Variants in CDH12 observed in about 807,000 individuals in gnomAD.
CDH12 encodes cadherin-12.
CDH12 carries 41 observed loss-of-function variants against 74.1 expected under a neutral mutation model. The observed-to-expected ratio is 0.55, with a 90% CI of 0.43 to 0.72. The LOEUF is 0.72. Among genes scored for constraint, CDH12 ranks in the 30% least tolerant of loss-of-function variants. The pLI is 0.00. For synonymous variants in CDH12, 399 were observed against 355.0 expected, an observed-to-expected ratio of 1.12 and a Z score of -1.39; for missense variants, 945 against 977.2, an observed-to-expected ratio of 0.97 and a Z score of 0.44.
chr5:22,738,189 C>G (rs1010443784), intron 1 of CDH12, among the ~76,000 whole-genome samples: 2 of 152,022 alleles, frequency 1.3e-5, no homozygotes, highest in African/African-American at 4.8e-5. Context: ...GAATCTATCT[C>G]CATGACTCTC....
In CDH12 at chr5:22,087,614, C is replaced by T. The variant is rs182907361; in HGVS notation, c.-186-8752G>A. Reference sequence around the variant, plus strand: ...CGCAATCATGCCACTGCACTCCAGCCTGGGTGACAGAGTGAGACTTTGTCT... The same window carrying T: ...CGCAATCATGCCACTGCACTCCAGCTTGGGTGACAGAGTGAGACTTTGTCT... On this transcript the variant is annotated intron_variant, in intron 4 of 14. Transcript: ENST00000382254. 5.0e-3 allele frequency among the ~76,000 whole-genome samples: 754 copies of T among 151,984 alleles called. 5 individuals carry two copies. The highest frequency in any genetic ancestry group is 7.4e-3 in the Non-Finnish European group (504 of 67,994).
intron 4 of CDH12, among the ~76,000 whole-genome samples, chr5:22,106,322 G>A (rs907168971): frequency 2.6e-5 from 4 of 152,014 alleles, no homozygotes; most frequent in African/African-American, 9.7e-5. Flanking sequence ...ATTTTCTAAT[G>A]TTTTTCTCTA....
Position 22,149,752 on chromosome 5 carries a change from G to A in CDH12, c.-187+62746C>T, listed in dbSNP as rs575252627. 1.2e-4 allele frequency among the ~76,000 whole-genome samples: 18 copies of A among 152,046 alleles called. No individual in the cohort carries two copies. The South Asian group carries it at 1.5e-3, about 12-fold the overall frequency. On this transcript the variant is annotated intron_variant, in intron 4 of 14. Coordinates refer to ENST00000382254, the MANE Select transcript of CDH12 (RefSeq NM_004061.5). ...CTCCCAAAGTGTTGGGATTACAGGC[G>A]TGAGCCACCACGTCTGGGTGGATCA...
intron 4 of CDH12, among the ~76,000 whole-genome samples, chr5:22,198,258 G>A (rs2150352392): frequency 6.6e-6 from 1 of 151,898 alleles, no homozygotes; most frequent in African/African-American, 2.4e-5. Context: ...TACTGATAGT[G>A]TTGGCTAAAT....
chr5:21,933,395 C>A (rs1197940789), intron 6 of CDH12, among the ~76,000 whole-genome samples: 2 of 152,118 alleles, frequency 1.3e-5, no homozygotes, highest in Non-Finnish European at 2.9e-5. Context: ...CAGGGCAGAG[C>A]ATCCATGATA....
chr5:22,036,423 A>T (rs1739192903), intron 5 of CDH12, among the ~76,000 whole-genome samples: 1 of 152,184 alleles, frequency 6.6e-6, no homozygotes, highest in Non-Finnish European at 1.5e-5. Context: ...CATTGTCAAA[A>T]CTAGGAAATG....
At chr5:21,947,873 G>T (rs1755650969) in intron 6 of CDH12, among the ~76,000 whole-genome samples, 1 of 152,296 alleles carries the variant, frequency 6.6e-6, no homozygotes, top group Non-Finnish European at 1.5e-5. Flanking sequence ...CTCAGGACTT[G>T]GTGCCCTGTG....
At chr5:21,807,031 A>G (rs1446717704) in intron 9 of CDH12, among the ~76,000 whole-genome samples, 3 of 152,144 alleles carry the variant, frequency 2.0e-5, no homozygotes, top group Non-Finnish European at 4.4e-5. Context: ...TACTGCTCAC[A>G]AATCATGTGA....
intron 9 of CDH12, among the ~76,000 whole-genome samples, chr5:21,809,217 T>C (rs1241430725): frequency 6.6e-6 from 1 of 152,128 alleles, no homozygotes; most frequent in Admixed American, 6.6e-5. Flanking sequence ...GTAATGCCTG[T>C]ATTTTAGCGG....
chr5:21,838,855 C>T (rs1277597722), intron 8 of CDH12, among the ~76,000 whole-genome samples: 1 of 152,186 alleles, frequency 6.6e-6, no homozygotes, highest in Non-Finnish European at 1.5e-5. Flanking sequence ...GTCTCAAGTC[C>T]AACTTCTACA....
At chr5:22,117,188 T>A (rs142557968) in intron 4 of CDH12, among the ~76,000 whole-genome samples, 1 of 151,040 alleles carries the variant, frequency 6.6e-6, no homozygotes, top group Non-Finnish European at 1.5e-5. Context: ...GTTTAGGTGC[T>A]ATGACTCTAT....
At chr5:22,652,234 C>T (rs1739782688) in intron 1 of CDH12, among the ~76,000 whole-genome samples, 1 of 152,060 alleles carries the variant, frequency 6.6e-6, no homozygotes. Flanking sequence ...AAATGATCTC[C>T]TGCACAGCAC....
chr5:22,148,027 A>G (rs1747320082), intron 4 of CDH12, among the ~76,000 whole-genome samples: 1 of 152,262 alleles, frequency 6.6e-6, no homozygotes, highest in South Asian at 2.1e-4. Context: ...TACACAAACC[A>G]TGTTATTTTT....
At chr5:21,914,917 T>C (rs1754020172) in intron 6 of CDH12, among the ~76,000 whole-genome samples, 1 of 152,172 alleles carries the variant, frequency 6.6e-6, no homozygotes, top group Non-Finnish European at 1.5e-5. Context: ...AAAAGTATGA[T>C]ATATTTGAAC....
chr5:22,460,631 G>C (rs1191724939), intron 2 of CDH12, among the ~76,000 whole-genome samples: 1 of 150,990 alleles, frequency 6.6e-6, no homozygotes, highest in Non-Finnish European at 1.5e-5. Flanking sequence ...AAGAGTCTGG[G>C]AAATGCAAAT....
intron 6 of CDH12, among the ~76,000 whole-genome samples, chr5:21,875,552 C>T (rs1010306727): frequency 3.1e-3 from 1 of 324 alleles, no homozygotes; most frequent in African/African-American, 0.011. Context: ...TTGAATATAC[C>T]ATTGCTCTGT....
rs1382565445 is a variant in CDH12 at position 22,698,717 on chromosome 5, ATATATATATATATATATAGTGTGTGT to A, written c.-523+154315_-523+154340del. ...TATATATATATATATATATATATAT[ATATATATATATATATATAGTGTGTGT>A]GTGTGTGTGTGTGTGTGTGTGTGTG... is the stretch of plus-strand genomic sequence containing the variant. On this transcript the variant is annotated intron_variant, in intron 1 of 14. Coordinates refer to ENST00000382254, the MANE Select transcript of CDH12 (RefSeq NM_004061.5). 5.2e-4 allele frequency among the ~76,000 whole-genome samples: 16 copies of A among 30,760 alleles called. 1 individual carries two copies. Among genetic ancestry groups the A allele is most frequent in the South Asian group, 3.1e-3 (2 of 644 alleles). The allele number at this position is 30,760 out of a possible 152,430, so 20.2% of individuals were successfully genotyped here.
intron 3 of CDH12, among the ~76,000 whole-genome samples, chr5:22,309,181 C>G (rs904481552): frequency 6.6e-6 from 1 of 152,080 alleles, no homozygotes; most frequent in African/African-American, 2.4e-5. Flanking sequence ...AAAGCTAGTT[C>G]TGGTAACAAA....
chr5:22,627,254 T>C (rs1738346179), intron 1 of CDH12, among the ~76,000 whole-genome samples: 2 of 152,192 alleles, frequency 1.3e-5, no homozygotes, highest in South Asian at 4.1e-4. Flanking sequence ...TGTGAAATAC[T>C]ATACAGGATG....
Sources: allele counts gnomAD v4.1 joint callset (sites outside exome capture counted in the v4.1 genomes callset), GRCh38; gene constraint gnomAD v4.1.1; transcripts MANE v1.5; gene names NCBI Gene and HGNC (gene_info 2026-07-23, HGNC 2026-07-21).